NANOG: variants seen among roughly 807,000 people sequenced by gnomAD.
NANOG encodes the protein Nanog homeobox, also known as homeobox protein NANOG.
NANOG carries 2 observed loss-of-function variants against 17.7 expected under a neutral mutation model. The observed-to-expected ratio is 0.11, with a 90% CI of 0.05 to 0.36. The LOEUF is 0.36. Among genes scored for constraint, NANOG ranks in the 10% least tolerant of loss-of-function variants. NANOG has a pLI of 1.00. For synonymous variants in NANOG, 81 were observed against 124.7 expected (o/e 0.65, Z 2.33); for missense variants, 174 against 362.1 (o/e 0.48, Z 4.22).
rs1313038165 is a variant in NANOG at position 7,799,075 on chromosome 12, AAGCTATTC to A, written c.*3981_*3988del. 2 of 151,968 alleles carry A rather than the reference AAGCTATTC, an allele frequency of 1.3e-5. No individual in the cohort carries two copies. The highest frequency in any genetic ancestry group is 2.9e-5 in the Non-Finnish European group (2 of 68,018). 9.4% of individuals were successfully genotyped at this position (151,968 alleles called of 1,614,324 possible). ...AGCTGCTGGTGGTGAGTCTCTCCTT[AAGCTATTC>A]CTGGCTTCTGGGTAGTTGGTGTAAA... On this transcript the variant is annotated 3_prime_UTR_variant, in exon 4 of 4. Coordinates refer to ENST00000229307, the MANE Select transcript of NANOG (RefSeq NM_024865.4).
chr12:7,789,501 T>C lies in NANOG; in HGVS notation c.-114T>C, dbSNP rs1862804210. 1.1e-6 allele frequency: 1 copy of C among 877,592 alleles called. No individual in the cohort carries two copies. Among genetic ancestry groups the C allele is most frequent in the Non-Finnish European group, 1.8e-6 (1 of 563,348 alleles). The allele number at this position is 877,592 out of a possible 1,614,324, so 54.4% of individuals were successfully genotyped here. On this transcript the variant is annotated 5_prime_UTR_variant, in exon 1 of 4. Coordinates refer to ENST00000229307, the MANE Select transcript of NANOG (RefSeq NM_024865.4). Reference sequence around the variant, plus strand: ...TCACTTTATCCCAATTTCTTGATACTTTTCCTTCTGGAGGTCCTATTTCTC... The same window carrying C: ...TCACTTTATCCCAATTTCTTGATACCTTTCCTTCTGGAGGTCCTATTTCTC...
intron 1 of NANOG, among the ~76,000 whole-genome samples, chr12:7,790,031 C>T (rs1055690612): frequency 6.6e-6 from 1 of 152,114 alleles, no homozygotes; most frequent in African/African-American, 2.4e-5. Flanking sequence ...AGTTTGAGAA[C>T]CTATGGGCTT....
At position 7,792,823 on chromosome 12, in the gene NANOG, T is replaced by A. The variant is rs769542923; in HGVS notation, c.152-127T>A. ...CAAAGTGCCAGGGCTGCTTAAGAAA[T>A]TGCTTCTTATTACTTAGATCTGGGG... On this transcript the variant is annotated intron_variant, in intron 1 of 3. Coordinates refer to ENST00000229307, the MANE Select transcript of NANOG (RefSeq NM_024865.4). The A allele has an allele frequency of 2.9e-5, 28 of 950,778 alleles. No homozygotes were observed. In the African/African-American group the frequency reaches 4.5e-4, roughly 15 times the overall value. The allele number at this position is 950,778 out of a possible 1,614,324, so 58.9% of individuals were successfully genotyped here.
chr12:7,790,444 A>T (rs1293265071), intron 1 of NANOG, among the ~76,000 whole-genome samples: 2 of 152,180 alleles, frequency 1.3e-5, no homozygotes, highest in Non-Finnish European at 2.9e-5. Context: ...TGTAGCTAGA[A>T]GTCCAGTTTG....
At position 7,793,221 on chromosome 12, in the gene NANOG, G is replaced by C. The variant is rs1474829953; in HGVS notation, c.414+9G>C. On this transcript the variant is annotated intron_variant, in intron 2 of 3. Coordinates refer to ENST00000229307, the MANE Select transcript of NANOG (RefSeq NM_024865.4). ...ACCTCAGCTACAAACAGGTAGGCTTGTTTTGTCCTTGGAATAAGGTGAACA... is the reference window on the plus strand; with the variant it reads ...ACCTCAGCTACAAACAGGTAGGCTTCTTTTGTCCTTGGAATAAGGTGAACA... The C allele has an allele frequency of 1.2e-6, 2 of 1,613,468 alleles. No homozygotes were observed. The highest frequency in any genetic ancestry group is 3.3e-5 in the Admixed American group (2 of 59,944).
Position 7,789,606 on chromosome 12 carries a change from T to C in NANOG, c.-9T>C. On this transcript the variant is annotated 5_prime_UTR_variant, in exon 1 of 4. Coordinates refer to ENST00000229307, the MANE Select transcript of NANOG (RefSeq NM_024865.4). ...CTTAAATTTTTTCCTCCTCTTCCTC[T>C]ATACTAACATGAGTGTGGATCCAGC... The C allele has an allele frequency of 6.2e-7, 1 of 1,613,070 alleles. No individual in the cohort carries two copies. Among genetic ancestry groups the C allele is most frequent in the Non-Finnish European group, 8.5e-7 (1 of 1,179,926 alleles).
Position 7,792,957 on chromosome 12 carries a change from T to C in NANOG, c.159T>C (p.Pro53=). 1 of 1,605,190 alleles carries C rather than the reference T, an allele frequency of 6.2e-7. No homozygotes were observed. Among genetic ancestry groups the C allele is most frequent in the Non-Finnish European group, 8.5e-7 (1 of 1,176,112 alleles). Residue 53 remains proline, a synonymous_variant, in exon 2 of 4, where the codon CCT becomes CCC. Transcript: ENST00000229307. The part of the protein sequence containing the change: ...AEMPHTETVS[P]LPSSMDLLIQ... ...TTTATTTGTTCCCAACAGTCTCTCC[T>C]CTTCCTTCCTCCATGGATCTGCTTA... is the stretch of plus-strand genomic sequence containing the variant.
intron 2 of NANOG, among the ~76,000 whole-genome samples, chr12:7,793,803 T>G (rs759716778): frequency 1.3e-5 from 2 of 152,160 alleles, no homozygotes; most frequent in African/African-American, 4.8e-5. Context: ...ATTACTTGGT[T>G]TAAGTACAAA....
rs200049835 is a variant in NANOG at position 7,792,568 on chromosome 12, G to A, written c.152-382G>A. On this transcript the variant is annotated intron_variant, in intron 1 of 3. Transcript: ENST00000229307. Reference sequence around the variant, plus strand: ...AATCCCAGCTACTCAGGAGGCTGAGGCAGGAGAATCGCTTGAACCCAGGAG... The same window carrying A: ...AATCCCAGCTACTCAGGAGGCTGAGACAGGAGAATCGCTTGAACCCAGGAG... Among the ~76,000 whole-genome samples, 19 of 152,274 alleles carry A rather than the reference G, an allele frequency of 1.2e-4. No individual in the cohort carries two copies. In the East Asian group the frequency reaches 3.5e-3, roughly 28 times the overall value.
Position 7,789,652 on chromosome 12 carries a change from G to A in NANOG, c.38G>A (p.Cys13Tyr). 1 of 1,613,996 alleles carries A rather than the reference G, an allele frequency of 6.2e-7. No homozygotes were observed. Among genetic ancestry groups the A allele is most frequent in the Non-Finnish European group, 8.5e-7 (1 of 1,180,020 alleles). Residue 13 changes from cysteine to tyrosine, a missense_variant, in exon 1 of 4, where the codon TGC becomes TAC. This residue lies in a region of NANOG where 158 missense variants were observed against 244.2 expected (regional missense o/e 0.65). Coordinates refer to ENST00000229307, the MANE Select transcript of NANOG (RefSeq NM_024865.4). Reference protein sequence around the residue: ...VDPACPQSLPCFEASDCKESS... With the variant: ...VDPACPQSLPYFEASDCKESS... ...CCAGCTTGTCCCCAAAGCTTGCCTT[G>A]CTTTGAAGCATCCGACTGTAAAGAA...
Position 7,792,979 on chromosome 12 carries a change from C to T in NANOG, c.181C>T (p.Leu61Phe), listed in dbSNP as rs755941262. 6.8e-6 allele frequency: 11 copies of T among 1,608,868 alleles called. No homozygotes were observed. The highest frequency in any genetic ancestry group is 8.5e-6 in the Non-Finnish European group (10 of 1,177,552). The change falls in exon 2 of 4, where the codon CTT (leucine) becomes TTT (phenylalanine). Residue 61 changes from leucine to phenylalanine, a missense_variant. This residue lies in a region of NANOG where 158 missense variants were observed against 244.2 expected (regional missense o/e 0.65). Coordinates refer to ENST00000229307, the MANE Select transcript of NANOG (RefSeq NM_024865.4). ...TCCTCTTCCTTCCTCCATGGATCTGCTTATTCAGGACAGCCCTGATTCTTC... is the reference window on the plus strand; with the variant it reads ...TCCTCTTCCTTCCTCCATGGATCTGTTTATTCAGGACAGCCCTGATTCTTC... The part of the protein sequence containing the change: ...VSPLPSSMDL[L>F]IQDSPDSSTS...
Position 7,794,969 on chromosome 12 carries a change from G to A in NANOG, c.792G>A (p.Glu264=). The part of the protein sequence containing the change: ...FQPNSPASDL[E]AALEAAGEGL... The stretch of plus-strand genomic sequence containing the variant: ...CAAATTCTCCTGCCAGTGACTTGGA[G>A]GCTGCCTTGGAAGCTGCTGGGGAAG... The change falls in exon 4 of 4, where the codon GAG becomes GAA. Residue 264 remains glutamate (E), a synonymous_variant. Coordinates refer to ENST00000229307, the MANE Select transcript of NANOG (RefSeq NM_024865.4). The A allele has an allele frequency of 7.6e-7, 1 of 1,322,176 alleles. No homozygotes were observed. The highest frequency in any genetic ancestry group is 1.1e-6 in the Non-Finnish European group (1 of 927,514). 81.9% of individuals were successfully genotyped at this position (1,322,176 alleles called of 1,614,324 possible).
intron 2 of NANOG, among the ~76,000 whole-genome samples, chr12:7,793,414 A>G (rs1385619548): frequency 6.6e-6 from 1 of 152,166 alleles, no homozygotes; most frequent in Non-Finnish European, 1.5e-5. Context: ...TAATTATGTC[A>G]TAATTTAACC....
chr12:7,792,551 C>T (rs1226126922), intron 1 of NANOG, among the ~76,000 whole-genome samples: 1 of 152,142 alleles, frequency 6.6e-6, no homozygotes, highest in Admixed American at 6.6e-5. Context: ...GTAATCCCAG[C>T]TACTCAGGAG....
rs1163985437 is a variant in NANOG at position 7,799,029 on chromosome 12, A to AGT, written c.*3936_*3937dup. 2 of 151,688 alleles carry AGT rather than the reference A, an allele frequency of 1.3e-5. No individual in the cohort carries two copies. The highest frequency in any genetic ancestry group is 4.8e-5 in the African/African-American group (2 of 41,276). 9.4% of individuals were successfully genotyped at this position (151,688 alleles called of 1,614,324 possible). A position where few individuals can be genotyped will look rare whatever the true frequency, so the allele number is the denominator to read the frequency against. On this transcript the variant is annotated 3_prime_UTR_variant, in exon 4 of 4. Transcript: ENST00000229307. ...AATGGGTTCCTGGGTGTGAGGTTGA[A>AGT]GTGAAACTTGATTGAAAAGAAGCTG...
At position 7,794,526 on chromosome 12, in the gene NANOG, A is replaced by G; in HGVS notation, c.484A>G (p.Ser162Gly). 2 of 1,613,606 alleles carry G rather than the reference A, an allele frequency of 1.2e-6. No homozygotes were observed. Among genetic ancestry groups the G allele is most frequent in the Non-Finnish European group, 1.7e-6 (2 of 1,179,742 alleles). ...RWQKNNWPKN[S>G]NGVTQKASAP... ...GCAGAAAAACAACTGGCCGAAGAAT[A>G]GCAATGGTGTGACGCAGGTAACAGG... The change falls in exon 3 of 4, where the codon AGC becomes GGC. Residue 162 changes from serine to glycine, a missense_variant. This residue lies in a region of NANOG where 158 missense variants were observed against 244.2 expected (regional missense o/e 0.65). Transcript: ENST00000229307.
At chr12:7,790,153 A>G (rs1862819183) in intron 1 of NANOG, among the ~76,000 whole-genome samples, 1 of 150,528 alleles carries the variant, frequency 6.6e-6, no homozygotes, top group Non-Finnish European at 1.5e-5. Flanking sequence ...CTAATTAGCC[A>G]GAAGACCTAA....
In NANOG at chr12:7,798,533, A is replaced by T. The variant is rs968281684; in HGVS notation, c.*3438A>T. 5 of 152,186 alleles carry T rather than the reference A, an allele frequency of 3.3e-5. No homozygotes were observed. The highest frequency in any genetic ancestry group is 5.9e-5 in the Non-Finnish European group (4 of 68,044). The allele number at this position is 152,186 out of a possible 1,614,324, so 9.4% of individuals were successfully genotyped here. A position where few individuals can be genotyped will look rare whatever the true frequency, so the allele number is the denominator to read the frequency against. ...TAGCTTTACCATATTTTAGTTTTTAAAATTCATTATTTTGATTTCTCAGCT... is the reference window on the plus strand; with the variant it reads ...TAGCTTTACCATATTTTAGTTTTTATAATTCATTATTTTGATTTCTCAGCT... On this transcript the variant is annotated 3_prime_UTR_variant, in exon 4 of 4. Coordinates refer to ENST00000229307, the MANE Select transcript of NANOG (RefSeq NM_024865.4).
chr12:7,789,862 G>A (rs530651192), intron 1 of NANOG, 97 bp downstream of exon 1: 3 of 1,269,184 alleles, frequency 2.4e-6, no homozygotes, highest in South Asian at 2.4e-5. Flanking sequence ...AGCAATGATG[G>A]ACCATTACTA....
Sources: gnomAD v4.1 joint callset for allele counts (sites outside exome capture counted in the v4.1 genomes callset) on GRCh38, gnomAD v4.1.1 for gene constraint, gnomAD v4.1.1 regional missense constraint, MANE v1.5 for transcripts, NCBI Gene and HGNC (gene_info 2026-07-23, HGNC 2026-07-21) for gene names.